The following PTPN12 variants were observed in gnomAD, a reference collection of about 807,000 sequenced individuals.
PTPN12 encodes the protein tyrosine-protein phosphatase non-receptor type 12.
Under a neutral mutation model 97.6 loss-of-function variants are expected in PTPN12, and 29 were observed. The observed-to-expected ratio is 0.30, with a 90% CI of 0.22 to 0.41. The LOEUF is 0.41. Ranked by LOEUF, PTPN12 falls within the 10% of genes least tolerant of loss-of-function variation. The pLI, the probability that PTPN12 is intolerant of heterozygous loss-of-function variation, is 1.00. For missense variants in PTPN12, 819 were observed against 926.0 expected (o/e 0.88, Z 1.50); for synonymous variants, 327 against 300.4 (o/e 1.09, Z -0.91).
rs958634222 is a variant in PTPN12 at position 77,539,360 on chromosome 7, T to G, written c.99+1715T>G. Among the ~76,000 whole-genome samples, 35 of 152,194 alleles carry G rather than the reference T, an allele frequency of 2.3e-4. 1 individual carries two copies. The highest frequency in any genetic ancestry group is 2.2e-3 in the Admixed American group (34 of 15,278). ...CCTTATTAAAAATAAAAATATTGCTTATATTTAAACATTTGCTCTTGATAT... is the reference window on the plus strand; with the variant it reads ...CCTTATTAAAAATAAAAATATTGCTGATATTTAAACATTTGCTCTTGATAT... On this transcript the variant is annotated intron_variant, in intron 1 of 17. Coordinates refer to ENST00000248594, the MANE Select transcript of PTPN12 (RefSeq NM_002835.4).
At chr7:77,600,950 G>A in intron 8 of PTPN12, 144 bp downstream of exon 8, 1 of 684,190 alleles carries the variant, frequency 1.5e-6, no homozygotes, top group South Asian at 2.1e-5. Flanking sequence ...GTAAGTTGAT[G>A]TGGTCTCATT....
intron 5 of PTPN12, 151 bp from the exon 6 acceptor site, chr7:77,592,034 A>G (rs748958275): frequency 1.7e-5 from 11 of 664,228 alleles, no homozygotes; most frequent in Non-Finnish European, 2.8e-5. Context: ...CAACTGGGTA[A>G]ATCTAAGCTC....
Position 77,537,584 on chromosome 7 carries a change from G to C in PTPN12, c.38G>C (p.Arg13Thr). 1 of 1,602,666 alleles carries C rather than the reference G, an allele frequency of 6.2e-7. No individual in the cohort carries two copies. The highest frequency in any genetic ancestry group is 8.5e-7 in the Non-Finnish European group (1 of 1,175,744). Residue 13 changes from arginine (R) to threonine (T), a missense_variant, in exon 1 of 18, where the codon AGG (arginine) becomes ACG (threonine). Physicochemically the swap from Arg to Thr is moderately conservative, Grantham distance 71. This residue lies in a region of PTPN12 where 59 missense variants were observed against 42.2 expected (regional missense o/e 1.40). Coordinates refer to ENST00000248594, the MANE Select transcript of PTPN12 (RefSeq NM_002835.4). The part of the protein sequence containing the change: ...QVEILRKFIQ[R>T]VQAMKSPDHN... ...GAGATCCTGAGGAAATTCATCCAGA[G>C]GGTCCAGGCCATGAAGAGTCCTGAC...
intron 2 of PTPN12, among the ~76,000 whole-genome samples, chr7:77,572,493 C>T (rs1787176353): frequency 6.6e-6 from 1 of 152,174 alleles, no homozygotes; most frequent in Admixed American, 6.5e-5. Context: ...TCATCTCTTT[C>T]CCTCTTTTCT....
At chr7:77,629,830 A>G (rs537126081) in intron 13 of PTPN12, among the ~76,000 whole-genome samples, 3 of 151,226 alleles carry the variant, frequency 2.0e-5, no homozygotes, top group African/African-American at 7.3e-5. Flanking sequence ...GGTCCCAGCT[A>G]CTCTGGAGGC....
intron 1 of PTPN12, among the ~76,000 whole-genome samples, chr7:77,555,475 C>G (rs1421145863): frequency 6.6e-6 from 1 of 151,888 alleles, no homozygotes; most frequent in East Asian, 1.9e-4. Context: ...CAGTTTTTTT[C>G]TAGTCTTTTT....
In PTPN12 at chr7:77,616,336, G is replaced by A. The variant is rs114083717; in HGVS notation, c.940-2144G>A. ...TCATAGTACTGATTATGCCACTTTG[G>A]GGCTGTAGTATTACCCTTCTACTTT... On this transcript the variant is annotated intron_variant, in intron 11 of 17. Coordinates refer to ENST00000248594, the MANE Select transcript of PTPN12 (RefSeq NM_002835.4). Among the ~76,000 whole-genome samples the A allele has an allele frequency of 5.2e-3, 795 of 151,678 alleles. 8 individuals carry two copies. Among genetic ancestry groups the A allele is most frequent in the African/African-American group, 0.018 (755 of 41,316 alleles).
At chr7:77,553,545 C>A (rs1007485415) in intron 1 of PTPN12, among the ~76,000 whole-genome samples, 15 of 152,188 alleles carry the variant, frequency 9.9e-5, no homozygotes, top group African/African-American at 3.6e-4. Flanking sequence ...TGTAAAGCCA[C>A]CCTATCCCTG....
rs1363180111 is a variant in PTPN12 at position 77,583,593 on chromosome 7, A to G, written c.324A>G (p.Gly108=). The G allele has an allele frequency of 1.2e-6, 2 of 1,611,810 alleles. No individual in the cohort carries two copies. The highest frequency in any genetic ancestry group is 1.7e-6 in the Non-Finnish European group (2 of 1,179,034). The change falls in exon 4 of 18, where the codon GGA becomes GGG. Residue 108 remains glycine, a synonymous_variant. Coordinates refer to ENST00000248594, the MANE Select transcript of PTPN12 (RefSeq NM_002835.4). Reference sequence around the variant, plus strand: ...CAAAAGCATATGTAGCAACTCAAGGACCTTTAGCAAATACAGTAATAGATT... The same window carrying G: ...CAAAAGCATATGTAGCAACTCAAGGGCCTTTAGCAAATACAGTAATAGATT... ...YGPKAYVATQ[G]PLANTVIDFW... is the part of the protein sequence containing the mutation.
At chr7:77,621,066 AT>A (rs1188568430) in intron 12 of PTPN12, among the ~76,000 whole-genome samples, 25 of 151,914 alleles carry the variant, frequency 1.6e-4, no homozygotes, top group African/African-American at 1.9e-4. Flanking sequence ...ATATATATAT[AT>A]ATAAAAATAT....
At chr7:77,626,386 A>G (rs937257713) in intron 12 of PTPN12, among the ~76,000 whole-genome samples, 16 of 152,204 alleles carry the variant, frequency 1.1e-4, no homozygotes, top group Admixed American at 6.5e-4. Flanking sequence ...TCAAGAAATA[A>G]CTTTTGAAAT....
intron 1 of PTPN12, among the ~76,000 whole-genome samples, chr7:77,565,394 C>T (rs1225128385): frequency 6.6e-6 from 1 of 152,146 alleles, no homozygotes; most frequent in Non-Finnish European, 1.5e-5. Flanking sequence ...GGGAGAAGAG[C>T]GAGATAAAGG....
At chr7:77,538,122 T>G (rs1806754321) in intron 1 of PTPN12, 1 of 987,658 alleles carries the variant, frequency 1.0e-6, no homozygotes, top group Non-Finnish European at 1.2e-6. Flanking sequence ...CACTAACTCC[T>G]GGGATCCCTT....
At chr7:77,621,287 C>T (rs183302639) in intron 12 of PTPN12, among the ~76,000 whole-genome samples, 17 of 152,156 alleles carry the variant, frequency 1.1e-4, no homozygotes, top group African/African-American at 3.9e-4. Context: ...GATAACAGTG[C>T]CCTCTTCTAG....
At chr7:77,620,831 C>A (rs1487806575) in intron 12 of PTPN12, among the ~76,000 whole-genome samples, 2 of 152,174 alleles carry the variant, frequency 1.3e-5, no homozygotes, top group East Asian at 3.9e-4. Context: ...GCCTGCAGTT[C>A]CAGCTACTTG....
chr7:77,611,018 A>G lies in PTPN12; in HGVS notation c.911A>G (p.His304Arg), dbSNP rs200238133. 121 of 1,613,060 alleles carry G rather than the reference A, an allele frequency of 7.5e-5. No homozygotes were observed. The highest frequency in any genetic ancestry group is 4.0e-5 in the African/African-American group (3 of 74,906). ...FEKQLQLYEI[H>R]GAQKIADGVN... ...AAACAGCTACAACTATATGAAATTC[A>G]TGGAGCTCAGAAAATTGCTGATGGA... is the stretch of plus-strand genomic sequence containing the variant. Residue 304 changes from histidine (H) to arginine (R), a missense_variant, in exon 11 of 18, where the codon CAT becomes CGT. Physicochemically the swap from His to Arg is conservative, Grantham distance 29 (BLOSUM62 0). Coordinates refer to ENST00000248594, the MANE Select transcript of PTPN12 (RefSeq NM_002835.4).
chr7:77,603,747 CTT>C (rs1260628244), intron 8 of PTPN12, among the ~76,000 whole-genome samples: 1 of 152,114 alleles, frequency 6.6e-6, no homozygotes, highest in Non-Finnish European at 1.5e-5. Flanking sequence ...AGGACATAAA[CTT>C]TTAAAGTATT....
chr7:77,586,452 G>A (rs1288859797), intron 5 of PTPN12, among the ~76,000 whole-genome samples: 2 of 151,266 alleles, frequency 1.3e-5, no homozygotes, highest in Non-Finnish European at 2.9e-5. Context: ...AGGAACGGTA[G>A]TTCACATTTG....
intron 1 of PTPN12, among the ~76,000 whole-genome samples, chr7:77,563,196 A>G (rs1808078047): frequency 6.6e-6 from 1 of 152,202 alleles, no homozygotes; most frequent in African/African-American, 2.4e-5. Flanking sequence ...TCTCTGACTT[A>G]AAGCTGCCCT....
Sources: allele counts gnomAD v4.1 joint callset (sites outside exome capture counted in the v4.1 genomes callset), GRCh38; gene constraint gnomAD v4.1.1; regional missense constraint gnomAD v4.1.1; transcripts MANE v1.5; gene names NCBI Gene and HGNC (gene_info 2026-07-23, HGNC 2026-07-21).